Variants in DNAJC17 observed in about 807,000 individuals in gnomAD.
DNAJC17 encodes the protein DnaJ heat shock protein family (Hsp40) member C17.
Under a neutral mutation model 48.1 loss-of-function variants are expected in DNAJC17, and 35 were observed. The ratio of observed to expected loss-of-function variants is 0.73; its 90% CI spans 0.56 to 0.96. The LOEUF (loss-of-function observed/expected upper bound fraction) is 0.96. Ranked by LOEUF, DNAJC17 falls within the 50% of genes least tolerant of loss-of-function variation. The pLI is 0.00. For synonymous variants in DNAJC17, 117 were observed against 142.7 expected, an observed-to-expected ratio of 0.82 and a Z score of 1.28; for missense variants, 355 against 377.1, an observed-to-expected ratio of 0.94 and a Z score of 0.48.
chr15:40,797,748 G>A (rs1326230461), intron 1 of DNAJC17, among the ~76,000 whole-genome samples: 2 of 109,146 alleles, frequency 1.8e-5, no homozygotes, highest in African/African-American at 7.3e-5. Flanking sequence ...TTGAGATGGA[G>A]TCTTGCTCTA....
chr15:40,766,214 T>C lies in DNAJC17; in HGVS notation c.*1726A>G. The C allele has an allele frequency of 4.1e-6, 1 of 242,104 alleles. No homozygotes were observed. The highest frequency in any genetic ancestry group is 7.9e-5 in the East Asian group (1 of 12,724). 15.0% of individuals were successfully genotyped at this position (242,104 alleles called of 1,614,324 possible). On this transcript the variant is annotated 3_prime_UTR_variant, in exon 11 of 11. Coordinates refer to ENST00000220496, the MANE Select transcript of DNAJC17 (RefSeq NM_018163.3). The stretch of plus-strand genomic sequence containing the variant: ...GCAGACTGTTCCTTGCCCTGCCCTC[T>C]CCTAAGCTGGACCCCATCAAGGACA...
intron 5 of DNAJC17, 37 bp from the exon 6 acceptor site, chr15:40,776,329 G>A (rs1469824872): frequency 1.9e-6 from 3 of 1,599,350 alleles, no homozygotes; most frequent in Non-Finnish European, 1.7e-6. Context: ...ATTCTGTGCA[G>A]GTCCAATTCC....
At chr15:40,772,285 A>G (rs1185708908) in intron 10 of DNAJC17, 1 of 167,132 alleles carries the variant, frequency 6.0e-6, no homozygotes, top group Non-Finnish European at 1.5e-5. Flanking sequence ...TGGCTGGGCC[A>G]TGTGTTGGTG....
rs1268292771 is a variant in DNAJC17, at chr15:40,769,589, C to A, written c.793-1527G>T. ...CTCTGCCCCCCTTCCTGTTCCTGCT[C>A]GTGAGGGCCTGACAGCGGGGCTGAG... On this transcript the variant is annotated intron_variant, in intron 10 of 10. Coordinates refer to ENST00000220496, the MANE Select transcript of DNAJC17 (RefSeq NM_018163.3). The surrounding 1 kb of genome is among the most constrained non-coding windows in gnomAD (Gnocchi z 4.2). 6.6e-6 allele frequency among the ~76,000 whole-genome samples: 1 copy of A among 152,226 alleles called. No homozygotes were observed. Among genetic ancestry groups the A allele is most frequent in the Non-Finnish European group, 1.5e-5 (1 of 68,034 alleles).
Position 40,768,008 on chromosome 15 carries a change from G to A in DNAJC17, c.847C>T (p.Gln283Ter). ...YESLVMMRMRQAAERQQLIAR... is the reference protein window; with the variant it reads ...YESLVMMRMR ...ATCAGCTGTTGCCGCTCGGCCGCCT[G>A]GCGCATGCGCATCATGACGAGGCTC... is the stretch of plus-strand genomic sequence containing the variant. The change falls in exon 11 of 11, where the codon CAG becomes TAG. Residue 283 changes from glutamine to a stop codon, truncating the protein, a stop_gained. Coordinates refer to ENST00000220496, the MANE Select transcript of DNAJC17 (RefSeq NM_018163.3). LOFTEE classifies it high-confidence loss of function. 1 of 1,604,006 alleles carries A rather than the reference G, an allele frequency of 6.2e-7. No individual in the cohort carries two copies.
rs769832240 is a variant in DNAJC17 at position 40,768,026 on chromosome 15, C to T, written c.829G>A (p.Val277Ile). ...GCCGCCTGGCGCATGCGCATCATGACGAGGCTCTCGTAGTCCCTCTCTGAC... is the reference window on the plus strand; with the variant it reads ...GCCGCCTGGCGCATGCGCATCATGATGAGGCTCTCGTAGTCCCTCTCTGAC... The part of the protein sequence containing the change: ...VLSERDYESL[V>I]MMRMRQAAER... Residue 277 changes from valine to isoleucine, a missense_variant, in exon 11 of 11, where the codon GTC becomes ATC. Val to Ile is a conservative substitution (Grantham distance 29, BLOSUM62 3). Transcript: ENST00000220496. 1.3e-6 allele frequency: 2 copies of T among 1,596,392 alleles called. No homozygotes were observed. Among genetic ancestry groups the T allele is most frequent in the Admixed American group, 1.8e-5 (1 of 55,996 alleles).
intron 1 of DNAJC17, among the ~76,000 whole-genome samples, chr15:40,782,390 C>T (rs1889527076): frequency 6.6e-6 from 1 of 152,094 alleles, no homozygotes; most frequent in African/African-American, 2.4e-5. Flanking sequence ...CACTGCACTC[C>T]AGCCTGGGTG....
intron 1 of DNAJC17, among the ~76,000 whole-genome samples, chr15:40,795,342 C>T (rs575947557): frequency 6.6e-6 from 1 of 151,974 alleles, no homozygotes; most frequent in Admixed American, 6.6e-5. Context: ...GAACTGCCAA[C>T]GTTAGCCTCT....
rs887254241 is a variant in DNAJC17 at position 40,769,326 on chromosome 15, A to G, written c.793-1264T>C. 6.6e-6 allele frequency among the ~76,000 whole-genome samples: 1 copy of G among 152,180 alleles called. No individual in the cohort carries two copies. Among genetic ancestry groups the G allele is most frequent in the Non-Finnish European group, 1.5e-5 (1 of 68,012 alleles). On this transcript the variant is annotated intron_variant, in intron 10 of 10. Transcript: ENST00000220496. This position sits in a 1 kb window ranked among gnomAD's most constrained non-coding sequence, Gnocchi z 4.2. ...CTGGAGCACAGCCAGGTAGGAGGCA[A>G]CACGGCCCGGCCTTCAGCAGCCGCT...
At chr15:40,802,119 G>T (rs1470409565) in intron 1 of DNAJC17, among the ~76,000 whole-genome samples, 1 of 152,024 alleles carries the variant, frequency 6.6e-6, no homozygotes, top group African/African-American at 2.4e-5. Flanking sequence ...CCACAAGATG[G>T]GGAAATCCAA....
chr15:40,783,117 G>T (rs1396183110), intron 1 of DNAJC17, among the ~76,000 whole-genome samples: 3 of 152,100 alleles, frequency 2.0e-5, no homozygotes, highest in African/African-American at 7.2e-5. Flanking sequence ...CTTATCATTC[G>T]TCTTTTCTTT....
In DNAJC17 at chr15:40,776,279, C is replaced by T. The variant is rs751318823; in HGVS notation, c.395G>A (p.Arg132Lys). ...CTCCAGCTGCCGGGAACCCTCTTCT[C>T]TCAGGCGTTCGATCTGCAGAGCAGG... is the stretch of plus-strand genomic sequence containing the variant. Reference protein sequence around the residue: ...RTLEQEIERLREEGSRQLEEQ... With the variant: ...RTLEQEIERLKEEGSRQLEEQ... The change falls in exon 6 of 11, where the codon AGA (arginine) becomes AAA (lysine). Residue 132 changes from arginine to lysine, a missense_variant. Around this residue, in one of 3 missense-constraint regions of DNAJC17, gnomAD observed 199 missense variants for 199.9 expected, o/e 1.00. Transcript: ENST00000220496. The T allele has an allele frequency of 3.7e-6, 6 of 1,614,170 alleles. No homozygotes were observed. The highest frequency in any genetic ancestry group is 4.2e-6 in the Non-Finnish European group (5 of 1,180,040).
chr15:40,773,348 C>T (rs1889211481), intron 10 of DNAJC17, among the ~76,000 whole-genome samples: 1 of 152,116 alleles, frequency 6.6e-6, no homozygotes, highest in Non-Finnish European at 1.5e-5. Context: ...AACTGAAGTG[C>T]TGGGAAGGAA....
At chr15:40,795,160 C>T (rs1000177756) in intron 1 of DNAJC17, among the ~76,000 whole-genome samples, 3 of 151,890 alleles carry the variant, frequency 2.0e-5, no homozygotes, top group African/African-American at 7.3e-5. Context: ...GCCTGTGATC[C>T]CAACACTTTA....
chr15:40,804,612 TA>T (rs555728082), intron 1 of DNAJC17, among the ~76,000 whole-genome samples: 11 of 148,680 alleles, frequency 7.4e-5, no homozygotes, highest in Middle Eastern at 3.4e-3. Flanking sequence ...GACATAAAAA[TA>T]AAAAAAAAAT....
intron 1 of DNAJC17, among the ~76,000 whole-genome samples, chr15:40,793,016 C>T (rs1207931733): frequency 6.6e-6 from 1 of 151,766 alleles, no homozygotes; most frequent in Non-Finnish European, 1.5e-5. Flanking sequence ...CCTCAGCCTC[C>T]CGAGTAGCTG....
chr15:40,790,626 C>T (rs1045207492), intron 1 of DNAJC17, among the ~76,000 whole-genome samples: 1 of 152,108 alleles, frequency 6.6e-6, no homozygotes, highest in Non-Finnish European at 1.5e-5. Context: ...TACCAGCCAC[C>T]TTATGCTGGG....
intron 1 of DNAJC17, among the ~76,000 whole-genome samples, chr15:40,800,381 G>A (rs2141964090): frequency 6.6e-6 from 1 of 152,130 alleles, no homozygotes; most frequent in South Asian, 2.1e-4. Context: ...ACATGGTTTT[G>A]ATCTGCATTT....
Position 40,766,077 on chromosome 15 carries a change from G to C in DNAJC17, c.*1863C>G, listed in dbSNP as rs1044940780. ...TTCTCCGGAGGAGTTGGTCCCATCT[G>C]TAGCCTCTCCAACATCCCCCCTCTC... On this transcript the variant is annotated 3_prime_UTR_variant, in exon 11 of 11. Coordinates refer to ENST00000220496, the MANE Select transcript of DNAJC17 (RefSeq NM_018163.3). The C allele has an allele frequency of 1.1e-5, 5 of 450,054 alleles. No homozygotes were observed. Among genetic ancestry groups the C allele is most frequent in the Non-Finnish European group, 8.1e-6 (2 of 247,704 alleles). The allele number at this position is 450,054 out of a possible 1,614,324, so 27.9% of individuals were successfully genotyped here.
Sources: gnomAD v4.1 joint callset for allele counts (sites outside exome capture counted in the v4.1 genomes callset) on GRCh38, gnomAD v4.1.1 for gene constraint, gnomAD v4.1.1 regional missense constraint, Gnocchi (gnomAD v3.1) non-coding constraint, MANE v1.5 for transcripts, NCBI Gene and HGNC (gene_info 2026-07-23, HGNC 2026-07-21) for gene names.